HPCAL1: variants seen among roughly 807,000 people sequenced by gnomAD.
HPCAL1 encodes the protein hippocalcin like 1, also known as hippocalcin-like protein 1.
HPCAL1 carries 8 observed loss-of-function variants against 17.1 expected under a neutral mutation model. That is an observed-to-expected ratio of 0.47 (90% CI 0.27 to 0.84). The LOEUF (loss-of-function observed/expected upper bound fraction) is 0.84, where lower values mean the gene tolerates loss of function less well. Ranked by LOEUF, HPCAL1 falls within the 40% of genes least tolerant of loss-of-function variation. HPCAL1 has a pLI of 0.13. For missense variants in HPCAL1, 165 were observed against 271.1 expected, an observed-to-expected ratio of 0.61 and a Z score of 2.75; for synonymous variants, 112 against 111.4, an observed-to-expected ratio of 1.01 and a Z score of -0.03.
chr2:10,388,560 G>A (rs1402325906), intron 1 of HPCAL1, among the ~76,000 whole-genome samples: 6 of 152,232 alleles, frequency 3.9e-5, no homozygotes, highest in South Asian at 2.1e-4. Context: ...ACGGTCTCCC[G>A]TCTGTCTCTG....
chr2:10,320,288 GT>G (rs1663589579), intron 1 of HPCAL1, among the ~76,000 whole-genome samples: 1 of 152,142 alleles, frequency 6.6e-6, no homozygotes. Flanking sequence ...CCCAAATCTC[GT>G]GTTGAATTGT....
rs34600690 is a variant in HPCAL1 at position 10,355,450 on chromosome 2, C to CAAAAAAA, written c.-110-41359_-110-41353dup. The stretch of plus-strand genomic sequence containing the variant: ...TGGGCGACAGAGCGAGACTCCGTCT[C>CAAAAAAA]AAAAAAAAAAAAAAAAAAAAAAAAA... On this transcript the variant is annotated intron_variant, in intron 1 of 4. Coordinates refer to ENST00000307845, the MANE Select transcript of HPCAL1 (RefSeq NM_002149.4). Among the ~76,000 whole-genome samples the CAAAAAAA allele has an allele frequency of 4.0e-4, 13 of 32,206 alleles. 1 individual carries two copies. Among genetic ancestry groups the CAAAAAAA allele is most frequent in the African/African-American group, 7.2e-4 (5 of 6,986 alleles). 21.1% of individuals were successfully genotyped at this position (32,206 alleles called of 152,430 possible).
chr2:10,328,296 C>T (rs3948628), intron 1 of HPCAL1, among the ~76,000 whole-genome samples: 91,049 of 152,150 alleles, frequency 0.6, 27,731 homozygotes, highest in East Asian at 0.79. Flanking sequence ...GCATCTGAAC[C>T]CCAACCTGGA....
chr2:10,383,525 G>A (rs1317479602), intron 1 of HPCAL1, among the ~76,000 whole-genome samples: 1 of 152,058 alleles, frequency 6.6e-6, no homozygotes, highest in African/African-American at 2.4e-5. Flanking sequence ...ACCACACCCA[G>A]CTAATTTTTG....
At chr2:10,339,998 G>C (rs1664976568) in intron 1 of HPCAL1, among the ~76,000 whole-genome samples, 1 of 152,228 alleles carries the variant, frequency 6.6e-6, no homozygotes, top group African/African-American at 2.4e-5. Context: ...TCATGACATT[G>C]GGATGAGTTC....
chr2:10,384,029 C>A lies in HPCAL1; in HGVS notation c.-110-12806C>A, dbSNP rs75607361. Among the ~76,000 whole-genome samples, 28 of 149,860 alleles carry A rather than the reference C, an allele frequency of 1.9e-4. No homozygotes were observed. Among genetic ancestry groups the A allele is most frequent in the Non-Finnish European group, 3.0e-4 (20 of 67,350 alleles). On this transcript the variant is annotated intron_variant, in intron 1 of 4. Transcript: ENST00000307845. This position sits in a 1 kb window ranked among gnomAD's most constrained non-coding sequence, Gnocchi z 4.4. The stretch of plus-strand genomic sequence containing the variant: ...ATATACATCGCGTACACACACACAC[C>A]CACACACACACACACCTTTTGCTGG...
chr2:10,343,543 T>G lies in HPCAL1; in HGVS notation c.-111+40366T>G, dbSNP rs1455183310. On this transcript the variant is annotated intron_variant, in intron 1 of 4. Transcript: ENST00000307845. This position sits in a 1 kb window ranked among gnomAD's most constrained non-coding sequence, Gnocchi z 4.8. ...TTTCTTTTGCTTCTGAACTTGGAGG[T>G]TTCTTGAAGTCTGGAGGATTTTTAG... Among the ~76,000 whole-genome samples, 3 of 152,094 alleles carry G rather than the reference T, an allele frequency of 2.0e-5. No individual in the cohort carries two copies. Among genetic ancestry groups the G allele is most frequent in the African/African-American group, 7.2e-5 (3 of 41,412 alleles).
Position 10,419,604 on chromosome 2 carries a change from G to T in HPCAL1, c.-24-130G>T. 1.2e-6 allele frequency: 1 copy of T among 818,354 alleles called. No individual in the cohort carries two copies. The highest frequency in any genetic ancestry group is 1.9e-6 in the Non-Finnish European group (1 of 538,802). 50.7% of individuals were successfully genotyped at this position (818,354 alleles called of 1,614,324 possible). On this transcript the variant is annotated intron_variant, in intron 2 of 4. Coordinates refer to ENST00000307845, the MANE Select transcript of HPCAL1 (RefSeq NM_002149.4). The surrounding 1 kb of genome is among the most constrained non-coding windows in gnomAD (Gnocchi z 5.0). ...TCCATAAGATAGCGGCATGCCTTCC[G>T]ATGGGGGACCCGGGAGTTGCTGAGT...
intron 2 of HPCAL1, among the ~76,000 whole-genome samples, chr2:10,410,648 AGGAGATGGTTCT>A (rs1670301630): frequency 6.6e-6 from 1 of 151,938 alleles, no homozygotes; most frequent in Admixed American, 6.6e-5. Context: ...TAAGCCGAGC[AGGAGATGGTTCT>A]GCTCTCAAAT....
chr2:10,360,857 A>G (rs1558486009), intron 1 of HPCAL1, among the ~76,000 whole-genome samples: 1 of 150,738 alleles, frequency 6.6e-6, no homozygotes, highest in South Asian at 2.1e-4. Flanking sequence ...TCTTCCTCCT[A>G]TCTGGCCTGC....
At chr2:10,399,208 GCACCACCACCAC>G (rs113515977) in intron 2 of HPCAL1, among the ~76,000 whole-genome samples, 3 of 5,090 alleles carry the variant, frequency 5.9e-4, no homozygotes, top group Admixed American at 2.1e-3. Flanking sequence ...TAATATCACT[GCACCACCACCAC>G]CACCACCACC....
intron 2 of HPCAL1, among the ~76,000 whole-genome samples, chr2:10,409,389 C>A (rs2125608901): frequency 6.6e-6 from 1 of 152,292 alleles, no homozygotes; most frequent in East Asian, 1.9e-4. Flanking sequence ...GCCGGCACAG[C>A]CTCCCCGCAA....
intron 1 of HPCAL1, among the ~76,000 whole-genome samples, chr2:10,378,987 G>A (rs1163007041): frequency 1.3e-5 from 2 of 152,070 alleles, no homozygotes; most frequent in African/African-American, 2.4e-5. Context: ...TTCAGGTCCC[G>A]CTTTTTCTTT....
rs1662866361 is a variant in HPCAL1, at chr2:10,310,208, G to C, written c.-111+7031G>C. Among the ~76,000 whole-genome samples, 1 of 152,156 alleles carries C rather than the reference G, an allele frequency of 6.6e-6. No individual in the cohort carries two copies. The highest frequency in any genetic ancestry group is 1.9e-4 in the East Asian group (1 of 5,196). ...TTTGCTCTGTTTACTGGCTGGTGAT[G>C]TTCTCTGAGTCTGTTTGGTCATGTG... is the stretch of plus-strand genomic sequence containing the variant. On this transcript the variant is annotated intron_variant, in intron 1 of 4. Transcript: ENST00000307845. This position sits in a 1 kb window ranked among gnomAD's most constrained non-coding sequence, Gnocchi z 4.5.
intron 1 of HPCAL1, among the ~76,000 whole-genome samples, chr2:10,388,187 T>C (rs1553354550): frequency 6.6e-6 from 1 of 152,170 alleles, no homozygotes; most frequent in Admixed American, 6.5e-5. Context: ...AGTACTGGAT[T>C]GGGAGCGGAT....
Position 10,427,115 on chromosome 2 carries a change from G to A in HPCAL1, c.*294G>A, listed in dbSNP as rs552442245. 1 of 404,932 alleles carries A rather than the reference G, an allele frequency of 2.5e-6. No homozygotes were observed. Among genetic ancestry groups the A allele is most frequent in the East Asian group, 5.3e-5 (1 of 18,764 alleles). The allele number at this position is 404,932 out of a possible 1,614,324, so 25.1% of individuals were successfully genotyped here. A position where few individuals can be genotyped will look rare whatever the true frequency, so the allele number is the denominator to read the frequency against. ...CCTCCCGGCTCACGGGGAGCTCAGA[G>A]GTCCATGCCGAGGAGACCAGGCAGG... On this transcript the variant is annotated 3_prime_UTR_variant, in exon 5 of 5. Coordinates refer to ENST00000307845, the MANE Select transcript of HPCAL1 (RefSeq NM_002149.4).
intron 1 of HPCAL1, among the ~76,000 whole-genome samples, chr2:10,388,147 G>A (rs1374788642): frequency 6.6e-6 from 1 of 152,218 alleles, no homozygotes; most frequent in African/African-American, 2.4e-5. Context: ...CAGTTGGCGT[G>A]TCTCAGGGTA....
At position 10,323,220 on chromosome 2, in the gene HPCAL1, C is replaced by T. The variant is rs79821570; in HGVS notation, c.-111+20043C>T. Among the ~76,000 whole-genome samples the T allele has an allele frequency of 0.073, 11,177 of 152,284 alleles. 491 individuals are homozygous for T. Among genetic ancestry groups the T allele is most frequent in the Middle Eastern group, 0.092 (27 of 294 alleles). On this transcript the variant is annotated intron_variant, in intron 1 of 4. Coordinates refer to ENST00000307845, the MANE Select transcript of HPCAL1 (RefSeq NM_002149.4). This position sits in a 1 kb window ranked among gnomAD's most constrained non-coding sequence, Gnocchi z 4.6. Reference sequence around the variant, plus strand: ...GTCCCAGCGTGTATGCATGGGGTCACGGTGCTCCACGCTCTCAACCGTTGG... The same window carrying T: ...GTCCCAGCGTGTATGCATGGGGTCATGGTGCTCCACGCTCTCAACCGTTGG...
At chr2:10,341,305 A>G (rs1665062562) in intron 1 of HPCAL1, among the ~76,000 whole-genome samples, 1 of 152,054 alleles carries the variant, frequency 6.6e-6, no homozygotes, top group Non-Finnish European at 1.5e-5. Flanking sequence ...ACAAAAAAAT[A>G]CAAAAATTAG....
Sources: allele counts gnomAD v4.1 joint callset (sites outside exome capture counted in the v4.1 genomes callset), GRCh38; gene constraint gnomAD v4.1.1; non-coding constraint Gnocchi (gnomAD v3.1); transcripts MANE v1.5; gene names NCBI Gene and HGNC (gene_info 2026-07-23, HGNC 2026-07-21).